Variants in AFF3 observed in about 807,000 individuals in gnomAD.
AFF3 encodes the protein AF4/FMR2 family member 3.
Under a neutral mutation model 129.7 loss-of-function variants are expected in AFF3, and 32 were observed. The ratio of observed to expected loss-of-function variants is 0.25; its 90% confidence interval spans 0.19 to 0.33. AFF3 has a LOEUF of 0.33. AFF3 is among the 10% of genes least tolerant of loss of function. The pLI is 1.00. For synonymous variants in AFF3, 644 were observed against 635.4 expected (o/e 1.01, Z -0.20); for missense variants, 1,373 against 1,592.0 (o/e 0.86, Z 2.34).
At chr2:99,960,698 C>T (rs993784860) in intron 7 of AFF3, among the ~76,000 whole-genome samples, 5 of 152,304 alleles carry the variant, frequency 3.3e-5, no homozygotes, top group African/African-American at 4.8e-5. Flanking sequence ...TGCTTGCTTA[C>T]ATACTAGCTA....
At chr2:99,997,719 C>T (rs764056374) in intron 7 of AFF3, among the ~76,000 whole-genome samples, 3 of 152,186 alleles carry the variant, frequency 2.0e-5, no homozygotes, top group Non-Finnish European at 2.9e-5. Context: ...ATCCCATGTA[C>T]ACCACTGCAG....
chr2:99,640,096 C>T (rs1684051987), intron 13 of AFF3, among the ~76,000 whole-genome samples: 1 of 152,126 alleles, frequency 6.6e-6, no homozygotes, highest in African/African-American at 2.4e-5. Context: ...CACAGTTTGG[C>T]TTTTAGGAGA....
intron 11 of AFF3, among the ~76,000 whole-genome samples, chr2:99,704,197 T>C (rs556759162): frequency 6.6e-6 from 1 of 152,348 alleles, no homozygotes; most frequent in South Asian, 2.1e-4. Flanking sequence ...CTAGTATGTT[T>C]ACTTCTATTT....
chr2:100,038,724 C>CTTCT (rs1045181715), intron 4 of AFF3, among the ~76,000 whole-genome samples: 1 of 149,122 alleles, frequency 6.7e-6, no homozygotes, highest in African/African-American at 2.5e-5. Context: ...TCTTCTTCTT[C>CTTCT]TTCTTTTTTT....
intron 4 of AFF3, among the ~76,000 whole-genome samples, chr2:100,036,134 TAAA>T (rs59136725): frequency 0.18 from 11,418 of 64,432 alleles, 839 homozygotes; most frequent in South Asian, 0.35. Flanking sequence ...AATACAGTGC[TAAA>T]AAAAAAAAAA....
Position 99,554,444 on chromosome 2 carries a change from C to A in AFF3, c.3426G>T (p.Leu1142=), listed in dbSNP as rs1433045501. 1 of 1,613,992 alleles carries A rather than the reference C, an allele frequency of 6.2e-7. No individual in the cohort carries two copies. Among genetic ancestry groups the A allele is most frequent in the East Asian group, 2.2e-5 (1 of 44,888 alleles). The change falls in exon 24 of 25, where the codon CTG becomes CTT. Residue 1142 remains leucine (L), a synonymous_variant. Transcript: ENST00000672756. ...SQGSLSNASA[L]SPSTIVSIPQ... ...GGATGCTGACGATGGTCGACGGGGA[C>A]AGGGCGCTGGCGTTGGAGAGGCTGC...
chr2:99,740,119 A>G (rs1203511073), intron 10 of AFF3, among the ~76,000 whole-genome samples: 1 of 151,486 alleles, frequency 6.6e-6, no homozygotes, highest in Non-Finnish European at 1.5e-5. Context: ...AATTTCATCT[A>G]TGTCCCTACA....
chr2:99,695,483 T>G (rs1676121846), intron 11 of AFF3, among the ~76,000 whole-genome samples: 2 of 152,176 alleles, frequency 1.3e-5, no homozygotes, highest in African/African-American at 4.8e-5. Context: ...GTCGGGTCTC[T>G]TGAAATAGCC....
chr2:100,095,528 A>C (rs1690212136), intron 4 of AFF3, among the ~76,000 whole-genome samples: 2 of 152,220 alleles, frequency 1.3e-5, no homozygotes, highest in Non-Finnish European at 1.5e-5. Context: ...TCAAGACTGC[A>C]AGATTTAAAT....
At chr2:99,628,662 T>G (rs1255451947) in intron 13 of AFF3, among the ~76,000 whole-genome samples, 2 of 151,534 alleles carry the variant, frequency 1.3e-5, no homozygotes, top group Non-Finnish European at 2.9e-5. Flanking sequence ...GTTCCAGAGA[T>G]TCTCCTGCCT....
intron 12 of AFF3, among the ~76,000 whole-genome samples, chr2:99,667,161 A>G (rs1000690079): frequency 2.6e-5 from 4 of 152,242 alleles, no homozygotes; most frequent in African/African-American, 9.6e-5. Context: ...CAACAAATGT[A>G]TAAGAATTGA....
At chr2:99,592,950 AG>A (rs1678863049) in intron 15 of AFF3, among the ~76,000 whole-genome samples, 2 of 142,336 alleles carry the variant, frequency 1.4e-5, no homozygotes, top group Non-Finnish European at 3.1e-5. Flanking sequence ...CCCCAAAAAA[AG>A]GGATAATAAT....
chr2:100,117,446 G>A (rs1691774868), intron 2 of AFF3, among the ~76,000 whole-genome samples: 2 of 152,104 alleles, frequency 1.3e-5, no homozygotes. Context: ...TTAATTTGGG[G>A]TATCACGATT....
At chr2:100,094,016 T>C (rs1354296126) in intron 4 of AFF3, among the ~76,000 whole-genome samples, 1 of 152,140 alleles carries the variant, frequency 6.6e-6, no homozygotes, top group African/African-American at 2.4e-5. Context: ...TTGCCATCTA[T>C]TTCCTCGAGA....
chr2:99,910,428 C>T (rs1019142019), intron 7 of AFF3, among the ~76,000 whole-genome samples: 1 of 152,158 alleles, frequency 6.6e-6, no homozygotes, highest in East Asian at 1.9e-4. Context: ...ATAGAGGATA[C>T]AAATATGTTC....
At chr2:99,640,766 CT>C (rs985837643) in intron 13 of AFF3, among the ~76,000 whole-genome samples, 7 of 152,182 alleles carry the variant, frequency 4.6e-5, no homozygotes, top group Non-Finnish European at 7.3e-5. Context: ...GTGGTTCTTG[CT>C]CTCAGTAGTT....
intron 4 of AFF3, among the ~76,000 whole-genome samples, chr2:100,067,134 C>G (rs1247314952): frequency 6.6e-6 from 1 of 151,648 alleles, no homozygotes; most frequent in East Asian, 1.9e-4. Flanking sequence ...TAATTCATTC[C>G]CCCTTACCTA....
chr2:99,725,057 G>A (rs183576160), intron 11 of AFF3, among the ~76,000 whole-genome samples: 3 of 151,686 alleles, frequency 2.0e-5, no homozygotes, highest in East Asian at 3.9e-4. Context: ...TGCAACCTCC[G>A]CCTCCCGGGT....
intron 7 of AFF3, among the ~76,000 whole-genome samples, chr2:99,992,075 A>C (rs1680408585): frequency 6.6e-6 from 1 of 152,164 alleles, no homozygotes; most frequent in African/African-American, 2.4e-5. Flanking sequence ...CATTTAGAGT[A>C]TCTTCCCTAT....
Sources: gnomAD v4.1 joint callset for allele counts (sites outside exome capture counted in the v4.1 genomes callset) on GRCh38, gnomAD v4.1.1 for gene constraint, MANE v1.5 for transcripts, NCBI Gene and HGNC (gene_info 2026-07-23, HGNC 2026-07-21) for gene names.